The following RNF150 variants were observed in gnomAD, a reference collection of about 807,000 sequenced individuals.
The protein encoded by RNF150 is ring finger protein 150.
RNF150 carries 24 observed loss-of-function variants against 39.3 expected under a neutral mutation model. The observed-to-expected ratio is 0.61, with a 90% CI of 0.44 to 0.86. The LOEUF is 0.86. Among genes scored for constraint, RNF150 ranks in the 40% least tolerant of loss-of-function variants. RNF150 has a pLI of 0.00. For missense variants in RNF150, 502 were observed against 587.8 expected (o/e 0.85, Z 1.51); for synonymous variants, 255 against 227.3 (o/e 1.12, Z -1.10).
chr4:140,882,089 G>T (rs781257498), intron 6 of RNF150, among the ~76,000 whole-genome samples: 2 of 151,560 alleles, frequency 1.3e-5, no homozygotes, highest in Non-Finnish European at 2.9e-5. Flanking sequence ...GTGCAATCTC[G>T]GCTCACTGCA....
chr4:140,964,503 C>T (rs1733158003), intron 2 of RNF150, among the ~76,000 whole-genome samples: 1 of 151,528 alleles, frequency 6.6e-6, no homozygotes, highest in Non-Finnish European at 1.5e-5. Context: ...CCAAAATTTC[C>T]AATATGAAAA....
chr4:141,121,519 A>C (rs888566850), intron 1 of RNF150, among the ~76,000 whole-genome samples: 1 of 152,184 alleles, frequency 6.6e-6, no homozygotes, highest in South Asian at 2.1e-4. Flanking sequence ...AATAATCAAC[A>C]TTTAGCATAT....
At chr4:141,187,345 G>A (rs938174770) in intron 1 of RNF150, among the ~76,000 whole-genome samples, 1 of 152,180 alleles carries the variant, frequency 6.6e-6, no homozygotes, top group Non-Finnish European at 1.5e-5. Context: ...GGGGTGGAGA[G>A]TTCTGTAGAT....
At chr4:140,903,723 A>G (rs745624773) in intron 6 of RNF150, among the ~76,000 whole-genome samples, 4 of 152,244 alleles carry the variant, frequency 2.6e-5, no homozygotes, top group Non-Finnish European at 5.9e-5. Flanking sequence ...AACTCAGGGC[A>G]TATGAGACAA....
chr4:141,172,055 T>C (rs1727737672), intron 1 of RNF150, among the ~76,000 whole-genome samples: 1 of 152,244 alleles, frequency 6.6e-6, no homozygotes, highest in Non-Finnish European at 1.5e-5. Context: ...GCCACAATAA[T>C]GCTCTCTAGA....
intron 4 of RNF150, among the ~76,000 whole-genome samples, chr4:140,933,880 G>C (rs969676679): frequency 6.6e-6 from 1 of 152,206 alleles, no homozygotes; most frequent in Non-Finnish European, 1.5e-5. Flanking sequence ...GTAGACACCA[G>C]TCTCATCCTA....
intron 1 of RNF150, among the ~76,000 whole-genome samples, chr4:141,046,912 A>T (rs1467976933): frequency 6.6e-6 from 1 of 152,056 alleles, no homozygotes; most frequent in Non-Finnish European, 1.5e-5. Context: ...TTATTTTTTC[A>T]GGCTTAACAT....
At chr4:140,908,514 C>T (rs755221055) in intron 6 of RNF150, among the ~76,000 whole-genome samples, 19 of 151,980 alleles carry the variant, frequency 1.3e-4, no homozygotes, top group Admixed American at 2.0e-4. Context: ...TTCTTTATCC[C>T]ATCTTTACCA....
chr4:140,935,951 C>G (rs1281036640), intron 4 of RNF150, among the ~76,000 whole-genome samples: 1 of 152,218 alleles, frequency 6.6e-6, no homozygotes, highest in Non-Finnish European at 1.5e-5. Flanking sequence ...TCAATACCCA[C>G]TCTCTGCCAT....
chr4:140,952,548 C>G (rs1283634172), intron 2 of RNF150, among the ~76,000 whole-genome samples: 4 of 152,160 alleles, frequency 2.6e-5, no homozygotes, highest in Non-Finnish European at 4.4e-5. Flanking sequence ...AGAAAAAACG[C>G]TTTCCACGCC....
intron 1 of RNF150, among the ~76,000 whole-genome samples, chr4:141,163,503 G>A (rs1043322223): frequency 1.1e-4 from 16 of 152,202 alleles, no homozygotes; most frequent in Non-Finnish European, 2.2e-4. Context: ...TGTGCCTCCT[G>A]ACTGGGAGAT....
chr4:141,037,851 C>T (rs1736203240), intron 1 of RNF150, among the ~76,000 whole-genome samples: 3 of 152,164 alleles, frequency 2.0e-5, no homozygotes, highest in African/African-American at 4.8e-5. Flanking sequence ...CCTACACTTA[C>T]AGACTTAACC....
intron 4 of RNF150, among the ~76,000 whole-genome samples, chr4:140,942,670 A>T (rs71608415): frequency 0.019 from 2,847 of 152,304 alleles, 48 homozygotes; most frequent in Non-Finnish European, 0.031. Flanking sequence ...ATTCTGCATT[A>T]TCCCTAATCC....
At chr4:141,096,478 G>A (rs1328487600) in intron 1 of RNF150, among the ~76,000 whole-genome samples, 3 of 152,028 alleles carry the variant, frequency 2.0e-5, no homozygotes, top group Non-Finnish European at 4.4e-5. Flanking sequence ...GATTACAGGC[G>A]TGAGTCACCG....
rs1315762912 is a variant in RNF150 at position 140,862,073 on chromosome 4, T to C, written c.*6188A>G. 3 of 152,216 alleles carry C rather than the reference T, an allele frequency of 2.0e-5. No individual in the cohort carries two copies. Among genetic ancestry groups the C allele is most frequent in the African/African-American group, 7.2e-5 (3 of 41,456 alleles). The allele number at this position is 152,216 out of a possible 1,614,324, so 9.4% of individuals were successfully genotyped here. On this transcript the variant is annotated 3_prime_UTR_variant, in exon 7 of 7. Coordinates refer to ENST00000515673, the MANE Select transcript of RNF150 (RefSeq NM_020724.2). ...TGGATGGTGATCAGTCTTTGGTTTA[T>C]ATAGCACACATGGTCCCCACATTAC...
intron 1 of RNF150, among the ~76,000 whole-genome samples, chr4:141,023,471 C>T (rs1375029640): frequency 1.3e-5 from 2 of 151,882 alleles, no homozygotes; most frequent in Non-Finnish European, 2.9e-5. Flanking sequence ...CCAGGCTGGT[C>T]TTGAACTCCT....
intron 6 of RNF150, among the ~76,000 whole-genome samples, chr4:140,899,748 G>T (rs1207545445): frequency 6.6e-6 from 1 of 152,084 alleles, no homozygotes. Flanking sequence ...ATTGTGTCCT[G>T]GAGAGATGTG....
At chr4:140,959,905 G>A (rs10003541) in intron 2 of RNF150, among the ~76,000 whole-genome samples, 2 of 151,766 alleles carry the variant, frequency 1.3e-5, no homozygotes, top group Non-Finnish European at 2.9e-5. Context: ...GCTACAGAGC[G>A]CTTCTGCAAT....
chr4:141,003,566 T>TACACACACACACACACAC (rs70946725), intron 1 of RNF150, among the ~76,000 whole-genome samples: 51 of 142,560 alleles, frequency 3.6e-4, no homozygotes, highest in Non-Finnish European at 5.9e-4. Flanking sequence ...CCCTAGCACG[T>TACACACACACACACACAC]ACACACACAC....
Sources: gnomAD v4.1 joint callset for allele counts (sites outside exome capture counted in the v4.1 genomes callset) on GRCh38, gnomAD v4.1.1 for gene constraint, MANE v1.5 for transcripts, NCBI Gene and HGNC (gene_info 2026-07-23, HGNC 2026-07-21) for gene names.